The following SSX5 variants were observed in gnomAD, a reference collection of about 807,000 sequenced individuals.
SSX5 encodes protein SSX5.
A neutral mutation model predicts 14.9 loss-of-function variants in SSX5; 14 were observed. The observed-to-expected ratio is 0.94, with a 90% CI of 0.62 to 1.47. The LOEUF is 1.47. Ranked by LOEUF, SSX5 falls within the 40% of genes most tolerant of loss-of-function variation. The pLI, the probability that SSX5 is intolerant of heterozygous loss-of-function variation, is 0.00. For synonymous variants in SSX5, 70 were observed against 55.4 expected (o/e 1.26, Z -1.17); for missense variants, 204 against 154.6 (o/e 1.32, Z -1.70).
chrX:48,196,014 G>A (rs1311092038), intron 1 of SSX5, among the ~76,000 whole-genome samples: 1 of 111,681 alleles, frequency 9.0e-6, no homozygotes, highest in African/African-American at 3.3e-5. Flanking sequence ...AGCCAGGCTC[G>A]GTGGCTCACT....
chrX:48,193,369 A>G (rs1212543498), intron 4 of SSX5, among the ~76,000 whole-genome samples: 1 of 111,504 alleles, frequency 9.0e-6, no homozygotes, highest in Non-Finnish European at 1.9e-5. Flanking sequence ...ACAGAAAAGT[A>G]TGGGGAATAA....
chrX:48,193,765 C>A (rs782614159), intron 4 of SSX5, among the ~76,000 whole-genome samples: 258 of 109,769 alleles, frequency 2.4e-3, no homozygotes, highest in African/African-American at 8.4e-3. Context: ...CAAAAACACA[C>A]AAAACACACT....
In SSX5 at chrX:48,195,321, AC is replaced by A. The variant is rs781858128; in HGVS notation, c.37del (p.Val13LeufsTer28). ...CATCTTCTCTGGTATTTGAGAACCA[AC>A]CCTAGGTCTCCGTACAAAGGCATCG... ...GDDAFVRRPR[V>X]GSQIPEKMQK... On this transcript the variant is annotated frameshift_variant, in exon 2 of 8. Transcript: ENST00000347757. LOFTEE classifies it high-confidence loss of function. The A allele has an allele frequency of 1.2e-5, 15 of 1,211,145 alleles. No homozygotes were observed. Among genetic ancestry groups the A allele is most frequent in the Non-Finnish European group, 1.7e-5 (15 of 895,347 alleles).
At chrX:48,196,382 T>G (rs1290540934) in intron 1 of SSX5, among the ~76,000 whole-genome samples, 3 of 108,683 alleles carry the variant, frequency 2.8e-5, no homozygotes, top group Non-Finnish European at 5.8e-5. Context: ...AGTGAGTTTT[T>G]TTTTTTTTTT....
At chrX:48,195,840 G>T (rs1425881963) in intron 1 of SSX5, among the ~76,000 whole-genome samples, 2 of 111,418 alleles carry the variant, frequency 1.8e-5, no homozygotes, top group East Asian at 2.8e-4. Context: ...AGGGATGGGG[G>T]TTCTGTTCTG....
intron 3 of SSX5, 38 bp downstream of exon 3, chrX:48,194,702 G>T: frequency 8.6e-7 from 1 of 1,156,483 alleles, no homozygotes; most frequent in Non-Finnish European, 1.2e-6. Flanking sequence ...GGATGCTCAT[G>T]TATCCCCAGA....
In SSX5 at chrX:48,186,377, T is replaced by A. The variant is rs1215098413; in HGVS notation, c.*484A>T. The A allele has an allele frequency of 4.8e-6, 1 of 206,702 alleles. No homozygotes were observed. The highest frequency in any genetic ancestry group is 3.2e-5 in the African/African-American group (1 of 31,168). The allele number at this position is 206,702 out of a possible 1,213,427, so 17.0% of individuals were successfully genotyped here. On this transcript the variant is annotated 3_prime_UTR_variant, in exon 8 of 8. Transcript: ENST00000347757. The stretch of plus-strand genomic sequence containing the variant: ...TATACTGGTACTTGGTGTGTGTGTG[T>A]GTGTGTGTGTGTGTGTGTGTGTGTG...
rs782689879 is a variant in SSX5 at position 48,190,262 on chromosome X, G to T, written c.337C>A (p.Pro113Thr). The T allele has an allele frequency of 1.7e-6, 2 of 1,199,568 alleles. No homozygotes were observed. Among genetic ancestry groups the T allele is most frequent in the East Asian group, 6.0e-5 (2 of 33,552 alleles). Residue 113 changes from proline to threonine, a missense_variant, in exon 6 of 8, where the codon CCC becomes ACC. By Grantham distance (38) the Pro-to-Thr change is conservative. Coordinates refer to ENST00000347757, the MANE Select transcript of SSX5 (RefSeq NM_175723.2). ...TTTCCTTCCTCTGCTGGCTTCTCGG[G>T]CGTGATCTTTATAATGTGAAGGTCA... ...RLQGIFPKITPEKPAEEGNDS... is the reference protein window; with the variant it reads ...RLQGIFPKITTEKPAEEGNDS...
chrX:48,193,723 T>C (rs192135675), intron 4 of SSX5, among the ~76,000 whole-genome samples: 199 of 110,405 alleles, frequency 1.8e-3, no homozygotes, highest in African/African-American at 6.2e-3. Context: ...CACTCCACCC[T>C]GGCCGAGAAG....
intron 4 of SSX5, 55 bp downstream of exon 4, chrX:48,194,074 C>A (rs782703328): frequency 6.8e-6 from 8 of 1,179,003 alleles, no homozygotes; most frequent in Middle Eastern, 2.3e-4. Flanking sequence ...GGTAGCTGAG[C>A]TGAAAAGCAG....
intron 7 of SSX5, 63 bp downstream of exon 7, chrX:48,187,564 C>G: frequency 8.9e-7 from 1 of 1,124,522 alleles, no homozygotes. Flanking sequence ...AGATGGGATA[C>G]CAGTACCATA....
intron 5 of SSX5, 135 bp from the exon 6 acceptor site, chrX:48,190,403 T>C: frequency 1.2e-6 from 1 of 836,910 alleles, no homozygotes; most frequent in African/African-American, 2.1e-5. Flanking sequence ...CTTGCCTAAA[T>C]TAGGAGAAAC....
chrX:48,186,410 G>GCA lies in SSX5; in HGVS notation c.*450_*451insTG, dbSNP rs1485299481. ...TGTGTGTGTGTGTGTGTGTGCGCGC[G>GCA]CGCGCGCATGTGTGTCTGTGTGGCA... is the stretch of plus-strand genomic sequence containing the variant. On this transcript the variant is annotated 3_prime_UTR_variant, in exon 8 of 8. Transcript: ENST00000347757. The GCA allele has an allele frequency of 3.2e-4, 85 of 265,412 alleles. No individual in the cohort carries two copies. The highest frequency in any genetic ancestry group is 1.1e-3 in the African/African-American group (38 of 34,116). 21.9% of individuals were successfully genotyped at this position (265,412 alleles called of 1,213,427 possible). A position where few individuals can be genotyped will look rare whatever the true frequency, so the allele number is the denominator to read the frequency against.
At chrX:48,195,547 C>A (rs782177195) in intron 1 of SSX5, among the ~76,000 whole-genome samples, 169 bp from the exon 2 acceptor site, 1 of 111,853 alleles carries the variant, frequency 8.9e-6, no homozygotes, top group South Asian at 3.8e-4. Flanking sequence ...CAGATGAAAA[C>A]AGGGAGCCAG....
Position 48,192,217 on chromosome X carries a change from T to A in SSX5, c.330+15A>T. 1 of 1,211,116 alleles carries A rather than the reference T, an allele frequency of 8.3e-7. No individual in the cohort carries two copies. The highest frequency in any genetic ancestry group is 2.2e-5 in the Admixed American group (1 of 46,037). The stretch of plus-strand genomic sequence containing the variant: ...ACAAAGGTTCTCTGGTCCTTTAGAT[T>A]TGAGAGACACTCACCTTCGGGAAGA... On this transcript the variant is annotated intron_variant, in intron 5 of 7. Coordinates refer to ENST00000347757, the MANE Select transcript of SSX5 (RefSeq NM_175723.2).
chrX:48,187,712 A>G lies in SSX5; in HGVS notation c.486T>C (p.His162=), dbSNP rs1366062472. ...TCTCACGCACTCTGTGGGTCCAGGC[A>G]TGTTTCCCCCTTTTGGGTCCTATGA... The part of the protein sequence containing the change: ...NKTSGPKRGK[H]AWTHRVRERK... The change falls in exon 7 of 8, where the codon CAT becomes CAC. Residue 162 remains histidine, a synonymous_variant. Transcript: ENST00000347757. 3.1e-5 allele frequency: 38 copies of G among 1,207,348 alleles called. No individual in the cohort carries two copies. Among genetic ancestry groups the G allele is most frequent in the Non-Finnish European group, 4.0e-5 (36 of 894,523 alleles).
chrX:48,194,414 A>C (rs1257800982), intron 3 of SSX5, among the ~76,000 whole-genome samples, 190 bp from the exon 4 acceptor site: 1 of 2,340 alleles, frequency 4.3e-4, no homozygotes, highest in African/African-American at 4.6e-4. Flanking sequence ...ACTCTAAGTC[A>C]AAAAAAAAAA....
intron 6 of SSX5, among the ~76,000 whole-genome samples, chrX:48,188,780 G>C (rs1357269366): frequency 8.9e-6 from 1 of 112,533 alleles, no homozygotes; most frequent in Non-Finnish European, 1.9e-5. Context: ...GCACCAAACA[G>C]CCAAGCTGTG....
intron 3 of SSX5, 27 bp downstream of exon 3, chrX:48,194,713 C>T (rs1556925462): frequency 1.7e-6 from 2 of 1,179,867 alleles, no homozygotes; most frequent in South Asian, 3.7e-5. Flanking sequence ...TATCCCCAGA[C>T]TGTCTGTACC....
Sources: gnomAD v4.1 joint callset for allele counts (sites outside exome capture counted in the v4.1 genomes callset) on GRCh38, gnomAD v4.1.1 for gene constraint, MANE v1.5 for transcripts, NCBI Gene and HGNC (gene_info 2026-07-23, HGNC 2026-07-21) for gene names.